The following PRMT8 variants were observed in gnomAD, a reference collection of about 807,000 sequenced individuals.
PRMT8 encodes the protein protein arginine methyltransferase 8, also known as protein arginine N-methyltransferase 8.
Under a neutral mutation model 47.1 loss-of-function variants are expected in PRMT8, and 7 were observed. The observed-to-expected ratio is 0.15, with a 90% confidence interval of 0.08 to 0.28. PRMT8 has a LOEUF of 0.28. PRMT8 is among the 10% of genes least tolerant of loss of function. PRMT8 has a pLI of 1.00. For synonymous variants in PRMT8, 188 were observed against 186.5 expected (o/e 1.01, Z -0.07); for missense variants, 237 against 505.4 (o/e 0.47, Z 5.09).
chr12:3,530,937 G>A (rs183431835), intron 1 of PRMT8, among the ~76,000 whole-genome samples: 5 of 152,290 alleles, frequency 3.3e-5, no homozygotes, highest in East Asian at 3.9e-4. Context: ...AGAGGAAACC[G>A]AGGATAGGGA....
chr12:3,430,235 C>T (rs764942880), intron 1 of PRMT8, among the ~76,000 whole-genome samples: 33 of 152,172 alleles, frequency 2.2e-4, no homozygotes, highest in Non-Finnish European at 4.0e-4. Flanking sequence ...GGGATTTTCA[C>T]GATGCTTTTC....
chr12:3,475,676 C>T lies in PRMT8; in HGVS notation c.49-64930C>T, dbSNP rs11062667. Among the ~76,000 whole-genome samples the T allele has an allele frequency of 7.4e-3, 1,117 of 151,170 alleles. 14 individuals carry two copies. Among genetic ancestry groups the T allele is most frequent in the African/African-American group, 0.023 (970 of 41,314 alleles). ...GAAGTGGAGGCAGATTGCAAGGCCT[C>T]TGCAGATAGCTCCCCATTCCTTGTC... On this transcript the variant is annotated intron_variant, in intron 1 of 9. Transcript: ENST00000452611.
chr12:3,552,496 T>C lies in PRMT8; in HGVS notation c.418-1155T>C. ...CTCCGGGTCGCATGCTCCTCATCAC[T>C]CAACATGGTCGCCTCTTGCAGATCA... On this transcript the variant is annotated intron_variant, in intron 3 of 9. Transcript: ENST00000382622. This position sits in a 1 kb window ranked among gnomAD's most constrained non-coding sequence, Gnocchi z 4.5. 3.3e-6 allele frequency: 1 copy of C among 298,962 alleles called. No homozygotes were observed. Among genetic ancestry groups the C allele is most frequent in the South Asian group, 2.8e-5 (1 of 35,488 alleles). The allele number at this position is 298,962 out of a possible 1,614,324, so 18.5% of individuals were successfully genotyped here. A position where few individuals can be genotyped will look rare whatever the true frequency, so the allele number is the denominator to read the frequency against.
At chr12:3,397,560 C>A (rs1026533643) in intron 1 of PRMT8, among the ~76,000 whole-genome samples, 1 of 151,552 alleles carries the variant, frequency 6.6e-6, no homozygotes, top group African/African-American at 2.4e-5. Flanking sequence ...AGGAGGCAGT[C>A]TGCCCGTTCT....
At chr12:3,577,674 TG>T in intron 7 of PRMT8, among the ~76,000 whole-genome samples, 1 of 123,250 alleles carries the variant, frequency 8.1e-6, no homozygotes, top group Middle Eastern at 3.6e-3. Context: ...GACTTTTTTG[TG>T]GGATTTTTTT....
intron 1 of PRMT8, chr12:3,469,119 G>C (rs1865134840): frequency 4.1e-6 from 2 of 489,244 alleles, no homozygotes; most frequent in African/African-American, 3.9e-5. Flanking sequence ...TCTGAAGCCA[G>C]AGTCTTCCAT....
chr12:3,430,156 G>T (rs1864658988), intron 1 of PRMT8, among the ~76,000 whole-genome samples: 1 of 152,198 alleles, frequency 6.6e-6, no homozygotes, highest in Non-Finnish European at 1.5e-5. Flanking sequence ...GGTCGTAATT[G>T]ATTGAGCAAG....
At chr12:3,555,444 C>T (rs112038936) in intron 4 of PRMT8, among the ~76,000 whole-genome samples, 50 of 152,280 alleles carry the variant, frequency 3.3e-4, no homozygotes, top group African/African-American at 1.2e-3. Flanking sequence ...TTGGCATGCC[C>T]AGAAACACAA....
chr12:3,559,579 C>G (rs1365206635), intron 4 of PRMT8, among the ~76,000 whole-genome samples: 1 of 152,184 alleles, frequency 6.6e-6, no homozygotes, highest in African/African-American at 2.4e-5. Context: ...TCCTCCCTTT[C>G]CATATTTCTA....
rs1867042616 is a variant in PRMT8, at chr12:3,580,628, A to G, written c.829-2430A>G. 2.6e-5 allele frequency among the ~76,000 whole-genome samples: 4 copies of G among 152,174 alleles called. No individual in the cohort carries two copies. Among genetic ancestry groups the G allele is most frequent in the Admixed American group, 6.5e-5 (1 of 15,284 alleles). On this transcript the variant is annotated intron_variant, in intron 7 of 9. Transcript: ENST00000382622. This position sits in a 1 kb window ranked among gnomAD's most constrained non-coding sequence, Gnocchi z 4.6. ...AGGACAATGAGGTGTAACTTCTGCCACTGAAGGCTTCAGTGTATCGGCCAG... is the reference window on the plus strand; with the variant it reads ...AGGACAATGAGGTGTAACTTCTGCCGCTGAAGGCTTCAGTGTATCGGCCAG...
At chr12:3,509,175 A>G (rs1447830323) in intron 1 of PRMT8, among the ~76,000 whole-genome samples, 1 of 152,080 alleles carries the variant, frequency 6.6e-6, no homozygotes, top group East Asian at 1.9e-4. Flanking sequence ...CATTATTCTT[A>G]GGATCATGAC....
chr12:3,400,479 A>G (rs918561443), intron 1 of PRMT8, among the ~76,000 whole-genome samples: 8 of 152,196 alleles, frequency 5.3e-5, no homozygotes, highest in African/African-American at 1.9e-4. Context: ...AGTCCTTGAA[A>G]AGACCAATCA....
intron 1 of PRMT8, among the ~76,000 whole-genome samples, chr12:3,481,870 G>GC (rs1865277294): frequency 1.3e-5 from 2 of 152,128 alleles, no homozygotes; most frequent in South Asian, 2.1e-4. Context: ...GACCAAAGTG[G>GC]CCCAGAAGCT....
chr12:3,576,690 G>C lies in PRMT8; in HGVS notation c.713-181G>C, dbSNP rs925271362. ...CTTTTCCCGAGGTAGAAATGGAAAT[G>C]GGAGTGAGCATTTGGCACATTGCAA... On this transcript the variant is annotated intron_variant, in intron 6 of 9. Transcript: ENST00000382622. This position sits in a 1 kb window ranked among gnomAD's most constrained non-coding sequence, Gnocchi z 4.0. Among the ~76,000 whole-genome samples, 1 of 152,172 alleles carries C rather than the reference G, an allele frequency of 6.6e-6. No homozygotes were observed. Among genetic ancestry groups the C allele is most frequent in the Non-Finnish European group, 1.5e-5 (1 of 68,036 alleles).
intron 1 of PRMT8, among the ~76,000 whole-genome samples, chr12:3,481,958 G>C (rs75554621): frequency 0.1 from 15,927 of 152,196 alleles, 906 homozygotes; most frequent in African/African-American, 0.14. Context: ...CTGTGCCAAA[G>C]TCTGTCTGCA....
At chr12:3,537,236 A>T (rs1051975772) in intron 1 of PRMT8, among the ~76,000 whole-genome samples, 12 of 152,160 alleles carry the variant, frequency 7.9e-5, no homozygotes, top group Non-Finnish European at 1.0e-4. Flanking sequence ...TAAGTTTTCT[A>T]TTTGAATTTG....
At position 3,550,652 on chromosome 12, in the gene PRMT8, T is replaced by C. The variant is rs1336821696; in HGVS notation, c.417+561T>C. Reference sequence around the variant, plus strand: ...AGTTGAGATGGGGCCCTAGAGATAATGGGAACATCTCCTTCTTGTTTTCTT... The same window carrying C: ...AGTTGAGATGGGGCCCTAGAGATAACGGGAACATCTCCTTCTTGTTTTCTT... On this transcript the variant is annotated intron_variant, in intron 3 of 9. Coordinates refer to ENST00000382622, the MANE Select transcript of PRMT8 (RefSeq NM_019854.5). The surrounding 1 kb of genome is among the most constrained non-coding windows in gnomAD (Gnocchi z 5.1). 2.6e-5 allele frequency: 4 copies of C among 152,200 alleles called. No homozygotes were observed. The highest frequency in any genetic ancestry group is 9.7e-5 in the African/African-American group (4 of 41,436). 9.4% of individuals were successfully genotyped at this position (152,200 alleles called of 1,614,324 possible).
chr12:3,491,770 C>G (rs1274485499), intron 1 of PRMT8, 70 bp downstream of exon 1: 1 of 1,545,024 alleles, frequency 6.5e-7, no homozygotes, highest in Non-Finnish European at 8.7e-7. Context: ...CCGCCGCCGC[C>G]GCTCAGCGCC....
Position 3,494,407 on chromosome 12 carries a change from GA to G in PRMT8, c.75+2708del, listed in dbSNP as rs376568296. ...TACCCATTTTATAGTTGAGGACACC[GA>G]GGCTGAGGTCAAGCAATTGCTGAAA... On this transcript the variant is annotated intron_variant, in intron 1 of 9. Coordinates refer to ENST00000382622, the MANE Select transcript of PRMT8 (RefSeq NM_019854.5). 4.1e-3 allele frequency among the ~76,000 whole-genome samples: 621 copies of G among 152,254 alleles called. 7 individuals carry two copies. Among genetic ancestry groups the G allele is most frequent in the South Asian group, 0.016 (75 of 4,816 alleles).
Sources: gnomAD v4.1 joint callset for allele counts (sites outside exome capture counted in the v4.1 genomes callset) on GRCh38, gnomAD v4.1.1 for gene constraint, Gnocchi (gnomAD v3.1) non-coding constraint, MANE v1.5 for transcripts, NCBI Gene and HGNC (gene_info 2026-07-23, HGNC 2026-07-21) for gene names.